Variants in C8A observed in about 807,000 individuals in gnomAD.
The protein encoded by C8A is complement C8 alpha chain.
In C8A, 67 loss-of-function variants were observed where a neutral mutation model predicts 65.3. That is an observed-to-expected ratio of 1.03 (90% CI 0.84 to 1.26). The LOEUF is 1.26. Among genes scored for constraint, C8A ranks in the 50% most tolerant of loss-of-function variants. C8A has a pLI of 0.00. For missense variants in C8A, 781 were observed against 723.9 expected (o/e 1.08, Z -0.90); for synonymous variants, 290 against 259.4 (o/e 1.12, Z -1.13).
rs370982052 is a variant in C8A at position 56,867,696 on chromosome 1, C to A, written c.165C>A (p.Asp55Glu). ...SEWTDCFPCQ[D>E]KKYRHRSLLQ... ...GGACAGATTGCTTTCCGTGCCAGGACAAAAAGGTGAGACACTTACAACCGG... is the reference window on the plus strand; with the variant it reads ...GGACAGATTGCTTTCCGTGCCAGGAAAAAAAGGTGAGACACTTACAACCGG... Residue 55 changes from aspartate to glutamate, a missense_variant, in exon 2 of 11, where the codon GAC becomes GAA. Coordinates refer to ENST00000361249, the MANE Select transcript of C8A (RefSeq NM_000562.3). 136 of 1,613,038 alleles carry A rather than the reference C, an allele frequency of 8.4e-5. No individual in the cohort carries two copies. The highest frequency in any genetic ancestry group is 2.0e-5 in the Non-Finnish European group (23 of 1,179,322).
At chr1:56,907,852 G>A in intron 8 of C8A, 104 bp from the exon 9 acceptor site, 1 of 1,361,090 alleles carries the variant, frequency 7.3e-7, no homozygotes, top group Non-Finnish European at 1.0e-6. Context: ...AAACATCTAA[G>A]GAAAACATGT....
chr1:56,856,499 A>G (rs1643977279), intron 1 of C8A, among the ~76,000 whole-genome samples: 1 of 152,148 alleles, frequency 6.6e-6, no homozygotes, highest in Admixed American at 6.5e-5. Context: ...ATCAGACAAA[A>G]CAAATTTATA....
chr1:56,902,949 C>A (rs972990195), intron 7 of C8A, among the ~76,000 whole-genome samples: 9 of 152,068 alleles, frequency 5.9e-5, no homozygotes, highest in Admixed American at 6.6e-5. Context: ...AGATTACTTC[C>A]TCCTTCATTT....
intron 2 of C8A, among the ~76,000 whole-genome samples, chr1:56,870,290 C>T (rs966124661): frequency 7.2e-5 from 11 of 152,112 alleles, no homozygotes; most frequent in African/African-American, 2.4e-4. Context: ...AAAGTAATTG[C>T]AGTTTTGGCA....
intron 9 of C8A, among the ~76,000 whole-genome samples, chr1:56,911,560 GT>G (rs1231850633): frequency 6.6e-6 from 1 of 152,212 alleles, no homozygotes; most frequent in Non-Finnish European, 1.5e-5. Context: ...GACAGTCTTG[GT>G]TTTCACAACT....
intron 1 of C8A, among the ~76,000 whole-genome samples, chr1:56,863,507 T>A (rs897529323): frequency 2.0e-5 from 3 of 152,216 alleles, no homozygotes; most frequent in African/African-American, 4.8e-5. Flanking sequence ...GTTTGACACA[T>A]AATGCAGTCT....
chr1:56,866,202 G>A (rs776731674), intron 1 of C8A, among the ~76,000 whole-genome samples: 5 of 152,132 alleles, frequency 3.3e-5, no homozygotes, highest in Non-Finnish European at 5.9e-5. Context: ...GCAACAGATT[G>A]GATGAAGAAG....
intron 2 of C8A, 139 bp from the exon 3 acceptor site, chr1:56,874,810 C>T: frequency 3.3e-6 from 3 of 921,384 alleles, no homozygotes; most frequent in African/African-American, 1.6e-5. Context: ...GCATATTCAT[C>T]CCTCAAAAGA....
intron 4 of C8A, among the ~76,000 whole-genome samples, chr1:56,876,690 C>A (rs778537926): frequency 1.8e-4 from 27 of 152,140 alleles, no homozygotes; most frequent in Non-Finnish European, 3.7e-4. Flanking sequence ...CCCCCACTTT[C>A]CCATTGCTTA....
intron 1 of C8A, among the ~76,000 whole-genome samples, chr1:56,863,556 G>C (rs1364591784): frequency 6.6e-6 from 1 of 152,154 alleles, no homozygotes; most frequent in Non-Finnish European, 1.5e-5. Flanking sequence ...CAATTGTGTA[G>C]TGAGATGCAG....
intron 4 of C8A, among the ~76,000 whole-genome samples, chr1:56,879,493 T>A (rs1644230105): frequency 6.6e-6 from 1 of 152,166 alleles, no homozygotes; most frequent in Non-Finnish European, 1.5e-5. Flanking sequence ...TTTTGTTCAG[T>A]CTATTAAGAG....
intron 7 of C8A, among the ~76,000 whole-genome samples, chr1:56,894,485 A>G (rs574782584): frequency 1.3e-5 from 2 of 152,286 alleles, no homozygotes; most frequent in East Asian, 1.9e-4. Flanking sequence ...ACCAGATAAC[A>G]GTGACCCTGG....
Position 56,875,110 on chromosome 1 carries a change from C to A in C8A, c.316+17C>A. ...AGGAGACAGGTGAGTAGCATTTCAG[C>A]AGAATAACAGCTGTGCCTGTCAAAA... On this transcript the variant is annotated intron_variant, in intron 3 of 10. Transcript: ENST00000361249. 6.2e-7 allele frequency: 1 copy of A among 1,612,030 alleles called. No homozygotes were observed. Among genetic ancestry groups the A allele is most frequent in the African/African-American group, 1.3e-5 (1 of 74,984 alleles).
intron 7 of C8A, among the ~76,000 whole-genome samples, chr1:56,886,743 A>G (rs989590189): frequency 2.6e-5 from 4 of 152,116 alleles, no homozygotes; most frequent in Non-Finnish European, 5.9e-5. Flanking sequence ...CGATAATTGG[A>G]TGGATCTTTC....
chr1:56,886,716 C>G (rs1644303270), intron 7 of C8A, among the ~76,000 whole-genome samples: 2 of 152,204 alleles, frequency 1.3e-5, no homozygotes, highest in Admixed American at 1.3e-4. Flanking sequence ...GTGGGCTCAC[C>G]TCTTCCAACC....
chr1:56,860,554 A>T (rs1434345100), intron 1 of C8A, among the ~76,000 whole-genome samples: 1 of 152,184 alleles, frequency 6.6e-6, no homozygotes, highest in Non-Finnish European at 1.5e-5. Context: ...GAGAAAGGTA[A>T]AGTAGAAGAA....
intron 1 of C8A, 36 bp downstream of exon 1, chr1:56,855,014 T>A: frequency 6.7e-7 from 1 of 1,500,028 alleles, no homozygotes; most frequent in Non-Finnish European, 9.3e-7. Context: ...AACTTGCACG[T>A]AGGAATCACC....
In C8A at chr1:56,907,503, C is replaced by T. The variant is rs114100792; in HGVS notation, c.1223-453C>T. Among the ~76,000 whole-genome samples the T allele has an allele frequency of 4.8e-3, 734 of 152,300 alleles. 8 individuals carry two copies. Among genetic ancestry groups the T allele is most frequent in the African/African-American group, 0.017 (712 of 41,562 alleles). On this transcript the variant is annotated intron_variant, in intron 8 of 10. Coordinates refer to ENST00000361249, the MANE Select transcript of C8A (RefSeq NM_000562.3). The stretch of plus-strand genomic sequence containing the variant: ...CTTTGTAGACAACTCACCTTTCTTT[C>T]TGACTGCCTCCCACACCCCCTACTG...
intron 1 of C8A, among the ~76,000 whole-genome samples, chr1:56,863,930 C>A (rs1340308426): frequency 6.8e-6 from 1 of 146,660 alleles, no homozygotes; most frequent in Non-Finnish European, 1.5e-5. Context: ...TTCCCTCCCT[C>A]TTTCCCTTCC....
Sources: gnomAD v4.1 joint callset for allele counts (sites outside exome capture counted in the v4.1 genomes callset) on GRCh38, gnomAD v4.1.1 for gene constraint, MANE v1.5 for transcripts, NCBI Gene and HGNC (gene_info 2026-07-23, HGNC 2026-07-21) for gene names.